Variants in CTNNA3 observed in about 807,000 individuals in gnomAD.
CTNNA3 encodes catenin alpha-3.
A neutral mutation model predicts 95.7 loss-of-function variants in CTNNA3; 76 were observed. The observed-to-expected ratio is 0.79, with a 90% CI of 0.66 to 0.96. CTNNA3 has a LOEUF of 0.96. Ranked by LOEUF, CTNNA3 falls within the 40% of genes least tolerant of loss-of-function variation. CTNNA3 has a pLI of 0.00. For missense variants in CTNNA3, 1,191 were observed against 1,089.8 expected (o/e 1.09, Z -1.31); for synonymous variants, 431 against 374.4 (o/e 1.15, Z -1.74).
At chr10:66,760,555 T>G (rs1018811999) in intron 9 of CTNNA3, among the ~76,000 whole-genome samples, 1 of 152,200 alleles carries the variant, frequency 6.6e-6, no homozygotes, top group Non-Finnish European at 1.5e-5. Context: ...TAATCCCATA[T>G]AATTTTCTCT....
chr10:66,750,334 G>A (rs1032214468), intron 9 of CTNNA3, among the ~76,000 whole-genome samples: 3 of 152,118 alleles, frequency 2.0e-5, no homozygotes, highest in Non-Finnish European at 4.4e-5. Context: ...TCTTCTAAAA[G>A]TGTTATGGTT....
At chr10:67,130,946 G>A (rs1859971099) in intron 7 of CTNNA3, among the ~76,000 whole-genome samples, 1 of 152,054 alleles carries the variant, frequency 6.6e-6, no homozygotes, top group African/African-American at 2.4e-5. Context: ...AAGAAGGTGA[G>A]GAAATGAATC....
chr10:66,898,152 G>A (rs746578289), intron 7 of CTNNA3, among the ~76,000 whole-genome samples: 1 of 152,180 alleles, frequency 6.6e-6, no homozygotes, highest in East Asian at 1.9e-4. Context: ...AATCTATGCA[G>A]TCATAATGAC....
intron 13 of CTNNA3, among the ~76,000 whole-genome samples, chr10:66,110,656 G>A (rs1195139742): frequency 6.6e-6 from 1 of 152,078 alleles, no homozygotes; most frequent in Non-Finnish European, 1.5e-5. Flanking sequence ...TTCATAATGA[G>A]ATTATCTAAA....
chr10:66,750,027 T>A (rs1839068989), intron 9 of CTNNA3, among the ~76,000 whole-genome samples: 1 of 152,206 alleles, frequency 6.6e-6, no homozygotes, highest in Non-Finnish European at 1.5e-5. Flanking sequence ...GGTTAGAGAT[T>A]TGTTTAGGCC....
intron 7 of CTNNA3, among the ~76,000 whole-genome samples, chr10:67,171,713 C>T (rs188005841): frequency 1.1e-3 from 164 of 152,160 alleles, no homozygotes; most frequent in African/African-American, 3.9e-3. Flanking sequence ...GATCACATCA[C>T]TACCCTCTAG....
At chr10:67,627,111 C>A (rs751435579) in intron 2 of CTNNA3, among the ~76,000 whole-genome samples, 4 of 152,148 alleles carry the variant, frequency 2.6e-5, no homozygotes, top group Non-Finnish European at 5.9e-5. Context: ...TAAGTGCTGG[C>A]TGCTGGGCTC....
At chr10:66,922,327 C>T (rs1347443345) in intron 7 of CTNNA3, among the ~76,000 whole-genome samples, 4 of 152,218 alleles carry the variant, frequency 2.6e-5, no homozygotes, top group African/African-American at 4.8e-5. Context: ...ATAATCAGCT[C>T]GCTATAGTCG....
intron 13 of CTNNA3, among the ~76,000 whole-genome samples, chr10:66,279,435 C>T (rs2091456098): frequency 6.6e-6 from 1 of 152,200 alleles, no homozygotes; most frequent in East Asian, 1.9e-4. Flanking sequence ...GCTACCCTGC[C>T]TGAGAATTAC....
chr10:67,181,313 T>G (rs1589830974), intron 6 of CTNNA3, among the ~76,000 whole-genome samples: 1 of 152,290 alleles, frequency 6.6e-6, no homozygotes, highest in East Asian at 1.9e-4. Flanking sequence ...ATTAGACATA[T>G]CTTCAGGTAA....
chr10:66,703,485 T>C (rs1424932370), intron 9 of CTNNA3, among the ~76,000 whole-genome samples: 2 of 152,308 alleles, frequency 1.3e-5, no homozygotes, highest in Non-Finnish European at 2.9e-5. Flanking sequence ...AGAAATGTTG[T>C]CAAGGAATAA....
In CTNNA3 at chr10:67,663,786, AACT is replaced by A. The variant is rs897053147; in HGVS notation, c.-5-16271_-5-16269del. Among the ~76,000 whole-genome samples, 76 of 152,364 alleles carry A rather than the reference AACT, an allele frequency of 5.0e-4. 1 individual carries two copies. The highest frequency in any genetic ancestry group is 1.8e-3 in the African/African-American group (76 of 41,576). On this transcript the variant is annotated intron_variant, in intron 1 of 17. Transcript: ENST00000433211. ...ACACTGAAAATCCTTCGCAAATTTT[AACT>A]ACTACCCTCTTGTCTTTTTTCAATT... is the stretch of plus-strand genomic sequence containing the variant.
chr10:66,700,905 G>A (rs1589143378), intron 9 of CTNNA3, among the ~76,000 whole-genome samples: 1 of 152,128 alleles, frequency 6.6e-6, no homozygotes. Context: ...AGCACATGGT[G>A]TAGCCAATAA....
chr10:66,821,367 A>C (rs1202046135), intron 7 of CTNNA3, among the ~76,000 whole-genome samples: 1 of 152,152 alleles, frequency 6.6e-6, no homozygotes, highest in Non-Finnish European at 1.5e-5. Context: ...TCTGGCTATA[A>C]ATATCTCAGT....
chr10:66,570,259 A>G (rs996807299), intron 10 of CTNNA3, among the ~76,000 whole-genome samples: 1 of 150,188 alleles, frequency 6.7e-6, no homozygotes, highest in Non-Finnish European at 1.5e-5. Flanking sequence ...TTTTCCTTAT[A>G]CCTTTCAAAA....
chr10:66,760,324 G>A (rs1839553584), intron 9 of CTNNA3, among the ~76,000 whole-genome samples: 1 of 152,094 alleles, frequency 6.6e-6, no homozygotes, highest in Non-Finnish European at 1.5e-5. Context: ...ATTTAAGGCT[G>A]TTCAACTGCC....
At chr10:67,720,138 T>TTTTTTTTTTTTTTTTTTTTTTTTTTG (rs1254471020) in intron 1 of CTNNA3, among the ~76,000 whole-genome samples, 1 of 89,778 alleles carries the variant, frequency 1.1e-5, no homozygotes, top group African/African-American at 4.2e-5. Context: ...GCTTTTTTTT[T>TTTTTTTTTTTTTTTTTTTTTTTTTTG]TTTTTTTTTT....
At chr10:66,976,123 T>G (rs1421195289) in intron 7 of CTNNA3, among the ~76,000 whole-genome samples, 2 of 152,186 alleles carry the variant, frequency 1.3e-5, no homozygotes, top group Admixed American at 6.5e-5. Context: ...GAAACAAACA[T>G]TGTTCCTGCC....
chr10:67,238,644 G>T (rs1413804965), intron 5 of CTNNA3, among the ~76,000 whole-genome samples: 1 of 152,030 alleles, frequency 6.6e-6, no homozygotes, highest in Non-Finnish European at 1.5e-5. Flanking sequence ...ACCTTGGAAA[G>T]GGGAAATTTT....
Sources: allele counts gnomAD v4.1 joint callset (sites outside exome capture counted in the v4.1 genomes callset), GRCh38; gene constraint gnomAD v4.1.1; transcripts MANE v1.5; gene names NCBI Gene and HGNC (gene_info 2026-07-23, HGNC 2026-07-21).